Variants in GNB4 observed in about 807,000 individuals in gnomAD.
GNB4 encodes the protein G protein subunit beta 4.
GNB4 carries 28 observed loss-of-function variants against 45.2 expected under a neutral mutation model. The ratio of observed to expected loss-of-function variants is 0.62; its 90% confidence interval spans 0.46 to 0.85. The LOEUF is 0.85. GNB4 is among the 40% of genes least tolerant of loss of function. The probability of loss-of-function intolerance (pLI) is 0.00; values close to 1 mark genes in which losing one functional copy is unlikely to be tolerated. For missense variants in GNB4, 321 were observed against 425.4 expected (o/e 0.75, Z 2.16); for synonymous variants, 132 against 143.7 (o/e 0.92, Z 0.58).
the GNB4 span, among the ~76,000 whole-genome samples, chr3:179,474,258 T>C: frequency 6.6e-6 from 1 of 152,140 alleles, no homozygotes; most frequent in Non-Finnish European, 1.5e-5. Context: ...GGAGTCTTGC[T>C]CTGTCTCCCA....
At chr3:179,415,152 G>T in intron 5 of GNB4, 105 bp from the exon 6 acceptor site, 1 of 822,774 alleles carries the variant, frequency 1.2e-6, no homozygotes. Context: ...ACACATCTAA[G>T]AAAGATAAGT....
At chr3:179,468,035 A>AAATATATATATATATATATATATAT in the GNB4 span, among the ~76,000 whole-genome samples, 38 of 89,784 alleles carry the variant, frequency 4.2e-4, 4 homozygotes, top group Middle Eastern at 6.4e-3. Flanking sequence ...TGTTGATAAA[A>AAATATATATATATATATATATATAT]ATATATATAT....
At chr3:179,451,488 C>G (rs1715874463), upstream of GNB4, 1 of 150,918 alleles carries the variant, frequency 6.6e-6, no homozygotes, top group African/African-American at 2.4e-5. Flanking sequence ...CCCGCACCTC[C>G]CAGCAGCCAA....
upstream of GNB4, chr3:179,451,502 C>G (rs1156898723): frequency 6.6e-6 from 1 of 150,686 alleles, no homozygotes; most frequent in Non-Finnish European, 1.5e-5. Context: ...CAGCCAACTC[C>G]GCGGCGCGCC....
chr3:179,414,719 T>C (rs562416719), intron 6 of GNB4, among the ~76,000 whole-genome samples, 166 bp downstream of exon 6: 1 of 145,996 alleles, frequency 6.8e-6, no homozygotes, highest in Non-Finnish European at 1.5e-5. Context: ...TGATCAACGT[T>C]TGTATGACTA....
chr3:179,481,812 G>A, the GNB4 span, among the ~76,000 whole-genome samples: 1 of 152,164 alleles, frequency 6.6e-6, no homozygotes, highest in African/African-American at 2.4e-5. Context: ...CACTCTGAGA[G>A]TGCATAGTTT....
intron 1 of GNB4, among the ~76,000 whole-genome samples, chr3:179,446,166 A>C (rs1455057050): frequency 6.6e-6 from 1 of 152,250 alleles, no homozygotes; most frequent in Admixed American, 6.5e-5. Context: ...TATTGCTCCA[A>C]AGGAAATTCT....
chr3:179,428,897 T>C (rs1173256393), intron 1 of GNB4, among the ~76,000 whole-genome samples: 5 of 152,182 alleles, frequency 3.3e-5, no homozygotes, highest in Non-Finnish European at 7.4e-5. Flanking sequence ...TAAGAGTTAC[T>C]TGGGATAAAC....
At chr3:179,474,152 G>A in the GNB4 span, among the ~76,000 whole-genome samples, 6 of 152,090 alleles carry the variant, frequency 3.9e-5, no homozygotes, top group Admixed American at 1.3e-4. Context: ...TTGTGCTACT[G>A]TACTCCACCC....
chr3:179,469,138 C>T, the GNB4 span, among the ~76,000 whole-genome samples: 4 of 152,268 alleles, frequency 2.6e-5, no homozygotes, highest in East Asian at 1.9e-4. Context: ...CAAACCAGTG[C>T]GCAGCTAACA....
the GNB4 span, among the ~76,000 whole-genome samples, chr3:179,489,019 A>AATATATATATATATATATATAT: frequency 2.3e-4 from 5 of 21,380 alleles, no homozygotes; most frequent in African/African-American, 9.3e-4. Context: ...AAAAAAAAAA[A>AATATATATATATATATATATAT]ATATATATAT....
chr3:179,481,668 A>G, the GNB4 span, among the ~76,000 whole-genome samples: 1 of 152,160 alleles, frequency 6.6e-6, no homozygotes, highest in South Asian at 2.1e-4. Context: ...ATTAGATGAA[A>G]ATCATAAAAT....
At chr3:179,471,860 T>A in the GNB4 span, among the ~76,000 whole-genome samples, 1 of 152,210 alleles carries the variant, frequency 6.6e-6, no homozygotes, top group African/African-American at 2.4e-5. Flanking sequence ...ATTTGGTTAG[T>A]ACACCCTTTC....
chr3:179,518,804 T>A, the GNB4 span, among the ~76,000 whole-genome samples: 2 of 152,204 alleles, frequency 1.3e-5, no homozygotes, highest in Non-Finnish European at 2.9e-5. Flanking sequence ...AACCCTGAGA[T>A]GCTTTACAGC....
Position 179,396,618 on chromosome 3 carries a change from C to G in GNB4, c.*4595G>C, listed in dbSNP as rs774054348. 2.1e-4 allele frequency: 32 copies of G among 152,120 alleles called. No individual in the cohort carries two copies. The highest frequency in any genetic ancestry group is 4.3e-4 in the Non-Finnish European group (29 of 68,010). 9.4% of individuals were successfully genotyped at this position (152,120 alleles called of 1,614,324 possible). ...CAGTTGGAATATAGCTTTTTCCCCCCCGTAATGCTGCTTTATCACAACTGT... is the reference window on the plus strand; with the variant it reads ...CAGTTGGAATATAGCTTTTTCCCCCGCGTAATGCTGCTTTATCACAACTGT... On this transcript the variant is annotated 3_prime_UTR_variant, in exon 10 of 10. Transcript: ENST00000232564.
At chr3:179,438,002 G>C (rs144614177) in intron 1 of GNB4, 1 of 152,214 alleles carries the variant, frequency 6.6e-6, no homozygotes, top group African/African-American at 2.4e-5. Context: ...AGCCCTGGAG[G>C]TCGAGGCTGC....
the GNB4 span, among the ~76,000 whole-genome samples, chr3:179,481,031 T>G: frequency 6.6e-6 from 1 of 151,764 alleles, no homozygotes; most frequent in Non-Finnish European, 1.5e-5. Context: ...TTTTGTATTT[T>G]TAGTAGAGAC....
At chr3:179,506,080 C>T in the GNB4 span, among the ~76,000 whole-genome samples, 13 of 152,226 alleles carry the variant, frequency 8.5e-5, no homozygotes, top group South Asian at 2.1e-4. Flanking sequence ...CGGTGGCTCA[C>T]GCCTTTAATC....
At chr3:179,431,459 T>C (rs571870258) in intron 1 of GNB4, among the ~76,000 whole-genome samples, 17 of 150,960 alleles carry the variant, frequency 1.1e-4, no homozygotes, top group African/African-American at 4.1e-4. Context: ...CTCGGGAAAT[T>C]GAGGCAGGAG....
Sources: gnomAD v4.1 joint callset for allele counts (sites outside exome capture counted in the v4.1 genomes callset) on GRCh38, gnomAD v4.1.1 for gene constraint, MANE v1.5 for transcripts, NCBI Gene and HGNC (gene_info 2026-07-23, HGNC 2026-07-21) for gene names.